The following NSMAF variants were observed in gnomAD, a reference collection of about 807,000 sequenced individuals.
The protein encoded by NSMAF is neutral sphingomyelinase activation associated factor.
In NSMAF, 90 loss-of-function variants were observed where a neutral mutation model predicts 134.9. That is an observed-to-expected ratio of 0.67 (90% CI 0.56 to 0.79). The LOEUF (loss-of-function observed/expected upper bound fraction) is 0.79. Ranked by LOEUF, NSMAF falls within the 30% of genes least tolerant of loss-of-function variation. NSMAF has a pLI of 0.00. For missense variants in NSMAF, 1,010 were observed against 1,119.0 expected (o/e 0.90, Z 1.39); for synonymous variants, 358 against 389.6 (o/e 0.92, Z 0.96).
rs79518213 is a variant in NSMAF, at chr8:58,623,391, C to G, written c.490G>C (p.Asp164His). ...AGAATACTTACCATGGCGGTTTGGT[C>G]ACCCAATTTGTCAAGGCAGGATGCT... ...HRASCLDKLG[D>H]QTAMITAILQ... The change falls in exon 8 of 31, where the codon GAC becomes CAC. Residue 164 changes from aspartate to histidine, a missense_variant. Coordinates refer to ENST00000038176, the MANE Select transcript of NSMAF (RefSeq NM_003580.4). The G allele has an allele frequency of 2.5e-6, 4 of 1,614,028 alleles. No homozygotes were observed. Among genetic ancestry groups the G allele is most frequent in the Non-Finnish European group, 3.4e-6 (4 of 1,179,930 alleles).
intron 1 of NSMAF, among the ~76,000 whole-genome samples, chr8:58,650,442 A>C (rs1186790546): frequency 1.3e-5 from 2 of 151,916 alleles, no homozygotes; most frequent in Non-Finnish European, 2.9e-5. Flanking sequence ...TGCTAGCCTG[A>C]TTTTCTTTTT....
chr8:58,633,537 T>C (rs561097759), intron 5 of NSMAF, among the ~76,000 whole-genome samples: 67 of 152,352 alleles, frequency 4.4e-4, no homozygotes, highest in Non-Finnish European at 7.1e-4. Context: ...AGGAGACATT[T>C]GTTTATTGTC....
At position 58,603,849 on chromosome 8, in the gene NSMAF, T is replaced by G. The variant is rs111780262; in HGVS notation, c.869-463A>C. Among the ~76,000 whole-genome samples the G allele has an allele frequency of 3.1e-3, 473 of 152,282 alleles. 2 individuals carry two copies. Among genetic ancestry groups the G allele is most frequent in the African/African-American group, 0.011 (449 of 41,560 alleles). Reference sequence around the variant, plus strand: ...GAAGAGATGTACTACTGCTAATTTGTCAATGACTACATATTATTTATGCAT... The same window carrying G: ...GAAGAGATGTACTACTGCTAATTTGGCAATGACTACATATTATTTATGCAT... On this transcript the variant is annotated intron_variant, in intron 12 of 30. Transcript: ENST00000038176.
At chr8:58,620,748 A>G (rs1806768971) in intron 9 of NSMAF, among the ~76,000 whole-genome samples, 1 of 152,178 alleles carries the variant, frequency 6.6e-6, no homozygotes, top group Non-Finnish European at 1.5e-5. Flanking sequence ...TGTTTTAGGA[A>G]GATAACTTTG....
chr8:58,586,124 C>A, intron 28 of NSMAF, 124 bp from the exon 29 acceptor site: 1 of 797,140 alleles, frequency 1.3e-6, no homozygotes. Context: ...AATCCTTGTA[C>A]TTAAGCAATG....
intron 9 of NSMAF, among the ~76,000 whole-genome samples, chr8:58,618,055 G>A (rs537153937): frequency 1.1e-4 from 16 of 152,178 alleles, no homozygotes; most frequent in South Asian, 6.2e-4. Context: ...GCAAACTATC[G>A]CAAGGACAGC....
intron 23 of NSMAF, among the ~76,000 whole-genome samples, chr8:58,591,948 T>C (rs1170620436): frequency 6.6e-6 from 1 of 152,176 alleles, no homozygotes; most frequent in Non-Finnish European, 1.5e-5. Flanking sequence ...ACTTAATAAT[T>C]CAACCCAATT....
chr8:58,655,824 G>A lies in NSMAF; in HGVS notation c.59+3749C>T, dbSNP rs572230510. On this transcript the variant is annotated intron_variant, in intron 1 of 30. Coordinates refer to ENST00000038176, the MANE Select transcript of NSMAF (RefSeq NM_003580.4). Reference sequence around the variant, plus strand: ...CGGGAGGCTGAGGCAGGAGAATGGCGTGAACCCGGGAGGCGGAACTTGCAG... The same window carrying A: ...CGGGAGGCTGAGGCAGGAGAATGGCATGAACCCGGGAGGCGGAACTTGCAG... Among the ~76,000 whole-genome samples, 105 of 151,698 alleles carry A rather than the reference G, an allele frequency of 6.9e-4. 2 individuals carry two copies. In the South Asian group the frequency reaches 0.019, roughly 28 times the overall value.
At chr8:58,593,256 T>C (rs1209281130) in intron 23 of NSMAF, among the ~76,000 whole-genome samples, 1 of 152,260 alleles carries the variant, frequency 6.6e-6, no homozygotes, top group Non-Finnish European at 1.5e-5. Flanking sequence ...GAACTTCCTT[T>C]TGATCTACTG....
intron 16 of NSMAF, among the ~76,000 whole-genome samples, chr8:58,600,545 C>G (rs1046131282): frequency 2.0e-5 from 3 of 149,052 alleles, no homozygotes; most frequent in African/African-American, 7.5e-5. Context: ...ATCGCTTGAA[C>G]CCGAGGCGGA....
chr8:58,647,032 A>C (rs1011343025), intron 1 of NSMAF, among the ~76,000 whole-genome samples: 2 of 152,258 alleles, frequency 1.3e-5, no homozygotes, highest in Non-Finnish European at 2.9e-5. Flanking sequence ...CATTCCACTC[A>C]ACAATTATTC....
chr8:58,602,192 C>T, intron 13 of NSMAF, 55 bp from the exon 14 acceptor site: 2 of 1,365,188 alleles, frequency 1.5e-6, no homozygotes, highest in Non-Finnish European at 1.0e-6. Flanking sequence ...CATTAACCTC[C>T]TGAATTAATT....
intron 18 of NSMAF, 192 bp downstream of exon 18, chr8:58,599,558 G>A (rs546666285): frequency 3.5e-6 from 3 of 862,418 alleles, no homozygotes; most frequent in South Asian, 2.0e-5. Flanking sequence ...TCACATTAAG[G>A]TCTCTCAAAT....
intron 9 of NSMAF, among the ~76,000 whole-genome samples, chr8:58,620,461 G>A (rs144620540): frequency 1.8e-3 from 267 of 152,284 alleles, no homozygotes; most frequent in African/African-American, 6.2e-3. Flanking sequence ...GCCATGTTAA[G>A]GTGTTTAGGC....
chr8:58,628,116 AC>A (rs1402752902), intron 6 of NSMAF, among the ~76,000 whole-genome samples: 1 of 152,222 alleles, frequency 6.6e-6, no homozygotes, highest in Admixed American at 6.5e-5. Flanking sequence ...GACAAAGCAT[AC>A]AAAAACATAC....
intron 12 of NSMAF, among the ~76,000 whole-genome samples, chr8:58,604,662 T>C (rs1286612591): frequency 6.6e-6 from 1 of 151,986 alleles, no homozygotes; most frequent in African/African-American, 2.4e-5. Context: ...TGTACTTTAC[T>C]ACAAATTTCA....
chr8:58,628,420 A>G (rs1806985178), intron 6 of NSMAF, among the ~76,000 whole-genome samples: 1 of 152,226 alleles, frequency 6.6e-6, no homozygotes, highest in Non-Finnish European at 1.5e-5. Context: ...AACTTCAGTC[A>G]CATACAAAAA....
chr8:58,643,025 A>T lies in NSMAF; in HGVS notation c.108T>A (p.His36Gln). 6.2e-7 allele frequency: 1 copy of T among 1,614,128 alleles called. No individual in the cohort carries two copies. The highest frequency in any genetic ancestry group is 8.5e-7 in the Non-Finnish European group (1 of 1,180,010). ...LNLEEYYFEQ[H>Q]RANHILHKGS... ...CCTTGTGCAAAATGTGATTGGCTCT[A>T]TGCTGTTCAAAGTAGTACTCCTCCA... Residue 36 changes from histidine (H) to glutamine (Q), a missense_variant, in exon 2 of 31, where the codon CAT (histidine) becomes CAA (glutamine). Physicochemically the swap from His to Gln is conservative, Grantham distance 24. Transcript: ENST00000038176.
chr8:58,594,272 C>T lies in NSMAF; in HGVS notation c.1911G>A (p.Thr637=), dbSNP rs754475996. 1.1e-5 allele frequency: 17 copies of T among 1,613,988 alleles called. No homozygotes were observed. The highest frequency in any genetic ancestry group is 2.7e-5 in the African/African-American group (2 of 74,934). ...ATACTGAAGATCCATTGCGAGAGAC[C>T]GTGATTCCAGTAACTGCTCTGCTCA... The part of the protein sequence containing the change: ...KIHKEAVTGI[T]VSRNGSSVFT... The change falls in exon 23 of 31, where the codon ACG becomes ACA. Residue 637 remains threonine (T), a synonymous_variant. Coordinates refer to ENST00000038176, the MANE Select transcript of NSMAF (RefSeq NM_003580.4).
Sources: allele counts gnomAD v4.1 joint callset (sites outside exome capture counted in the v4.1 genomes callset), GRCh38; gene constraint gnomAD v4.1.1; transcripts MANE v1.5; gene names NCBI Gene and HGNC (gene_info 2026-07-23, HGNC 2026-07-21).